Variants in TPST1 observed in about 807,000 individuals in gnomAD.
TPST1 encodes tyrosylprotein sulfotransferase 1, also known as protein-tyrosine sulfotransferase 1.
In TPST1, 20 loss-of-function variants were observed where a neutral mutation model predicts 34.8. The ratio of observed to expected loss-of-function variants is 0.57; its 90% confidence interval spans 0.40 to 0.84. The LOEUF (loss-of-function observed/expected upper bound fraction) is 0.84, where lower values mean the gene tolerates loss of function less well. Ranked by LOEUF, TPST1 falls within the 40% of genes least tolerant of loss-of-function variation. TPST1 has a pLI of 0.00. For missense variants in TPST1, 353 were observed against 455.5 expected (o/e 0.78, Z 2.05); for synonymous variants, 152 against 159.4 (o/e 0.95, Z 0.35).
intron 3 of TPST1, among the ~76,000 whole-genome samples, chr7:66,293,425 C>T (rs777204116): frequency 6.6e-6 from 1 of 152,044 alleles, no homozygotes; most frequent in East Asian, 1.9e-4. Flanking sequence ...ATTGATTGAG[C>T]CTGAGAGGTC....
In TPST1 at chr7:66,240,540, A is replaced by G; in HGVS notation, c.115A>G (p.Ser39Gly). ...ATGCCATCACCGGATAGAGGAACGT[A>G]GCCAGCCAGTCAAATTGGAGAGCAC... ...MECHHRIEERSQPVKLESTRT... is the reference protein window; with the variant it reads ...MECHHRIEERGQPVKLESTRT... Residue 39 changes from serine to glycine, a missense_variant, in exon 2 of 6, where the codon AGC becomes GGC. Physicochemically the swap from Ser to Gly is moderately conservative, Grantham distance 56 (BLOSUM62 0). Transcript: ENST00000304842. 6.2e-7 allele frequency: 1 copy of G among 1,614,238 alleles called. No individual in the cohort carries two copies. Among genetic ancestry groups the G allele is most frequent in the Non-Finnish European group, 8.5e-7 (1 of 1,180,040 alleles).
upstream of TPST1, among the ~76,000 whole-genome samples, chr7:66,201,032 C>A (rs1789029282): frequency 6.6e-6 from 1 of 152,094 alleles, no homozygotes; most frequent in Non-Finnish European, 1.5e-5. Context: ...CTGGCTGATG[C>A]TCTCTGGTGA....
the TPST1 span, among the ~76,000 whole-genome samples, chr7:66,200,304 T>C: frequency 1.7e-3 from 260 of 152,192 alleles, 1 homozygote; most frequent in African/African-American, 6.1e-3. Flanking sequence ...ACTGGCCCAT[T>C]TTCTCCTCTT....
At chr7:66,245,512 A>T (rs1354130725) in intron 2 of TPST1, among the ~76,000 whole-genome samples, 3 of 152,230 alleles carry the variant, frequency 2.0e-5, no homozygotes, top group Admixed American at 2.0e-4. Context: ...TATCAAGGGT[A>T]GGAGGTTCTT....
intron 2 of TPST1, among the ~76,000 whole-genome samples, chr7:66,252,050 C>T (rs935736473): frequency 6.6e-6 from 1 of 152,042 alleles, no homozygotes; most frequent in African/African-American, 2.4e-5. Context: ...TATGCATATT[C>T]CACTTGTTTT....
chr7:66,293,924 A>G (rs530042262), intron 3 of TPST1, among the ~76,000 whole-genome samples: 1 of 152,340 alleles, frequency 6.6e-6, no homozygotes, highest in East Asian at 1.9e-4. Context: ...ACAATATATT[A>G]TTTCAGAAAG....
chr7:66,295,562 A>G (rs906408164), intron 3 of TPST1, among the ~76,000 whole-genome samples: 3 of 152,200 alleles, frequency 2.0e-5, no homozygotes, highest in Non-Finnish European at 4.4e-5. Flanking sequence ...GAGGTAATTT[A>G]TTTTAGATTT....
chr7:66,223,206 G>A (rs1789579993), intron 1 of TPST1, among the ~76,000 whole-genome samples: 1 of 152,016 alleles, frequency 6.6e-6, no homozygotes, highest in African/African-American at 2.4e-5. Flanking sequence ...CAGCACTTTG[G>A]GAGGCTGATG....
intron 2 of TPST1, among the ~76,000 whole-genome samples, chr7:66,258,677 C>G (rs184916318): frequency 7.2e-5 from 11 of 152,156 alleles, no homozygotes; most frequent in African/African-American, 2.7e-4. Flanking sequence ...TAGCTGCCTG[C>G]GATGCGTTTC....
chr7:66,318,181 T>A (rs866614491), intron 3 of TPST1, among the ~76,000 whole-genome samples: 52 of 152,092 alleles, frequency 3.4e-4, no homozygotes, highest in South Asian at 2.1e-3. Context: ...TAAATAAATA[T>A]ATATTACTGT....
At chr7:66,261,008 T>C (rs1189788482) in intron 2 of TPST1, among the ~76,000 whole-genome samples, 1 of 152,180 alleles carries the variant, frequency 6.6e-6, no homozygotes, top group Non-Finnish European at 1.5e-5. Context: ...TCTTTGATTC[T>C]CTGGCCTGAA....
intron 2 of TPST1, among the ~76,000 whole-genome samples, chr7:66,250,059 C>T (rs1411926554): frequency 1.3e-5 from 2 of 152,198 alleles, no homozygotes; most frequent in African/African-American, 4.8e-5. Context: ...TACTATCTCT[C>T]TCCGTGTCTC....
At chr7:66,282,917 A>G (rs140937132) in intron 2 of TPST1, among the ~76,000 whole-genome samples, 235 of 152,204 alleles carry the variant, frequency 1.5e-3, no homozygotes, top group African/African-American at 5.4e-3. Flanking sequence ...TCTCCCTTCC[A>G]TCCTCCCAAC....
chr7:66,307,475 A>G (rs1401141055), intron 3 of TPST1, among the ~76,000 whole-genome samples: 1 of 152,296 alleles, frequency 6.6e-6, no homozygotes, highest in African/African-American at 2.4e-5. Context: ...TTAGAATGCC[A>G]TTATGGTGAA....
intron 3 of TPST1, among the ~76,000 whole-genome samples, chr7:66,314,963 T>C (rs763334725): frequency 6.6e-6 from 1 of 152,214 alleles, no homozygotes; most frequent in Non-Finnish European, 1.5e-5. Context: ...TGAGCATCCA[T>C]TGATTATTCT....
intron 1 of TPST1, among the ~76,000 whole-genome samples, chr7:66,230,922 A>G (rs1789772014): frequency 6.6e-6 from 1 of 152,158 alleles, no homozygotes; most frequent in Non-Finnish European, 1.5e-5. Flanking sequence ...GATACAGTGT[A>G]TCGACACAAA....
chr7:66,271,738 A>G (rs556343448), intron 2 of TPST1, among the ~76,000 whole-genome samples: 2 of 152,224 alleles, frequency 1.3e-5, no homozygotes, highest in Non-Finnish European at 2.9e-5. Context: ...CATTGTGAGT[A>G]TATATTAATC....
upstream of TPST1, among the ~76,000 whole-genome samples, chr7:66,202,328 CG>C (rs1789042296): frequency 1.3e-5 from 2 of 152,110 alleles, no homozygotes; most frequent in South Asian, 4.1e-4. Flanking sequence ...GTGTAGTCCC[CG>C]GATCACCTGA....
intron 1 of TPST1, among the ~76,000 whole-genome samples, chr7:66,230,637 G>A (rs1789762728): frequency 6.6e-6 from 1 of 152,178 alleles, no homozygotes; most frequent in African/African-American, 2.4e-5. Context: ...CGTGGTGAGT[G>A]TTACAGCTCA....
Sources: gnomAD v4.1 joint callset for allele counts (sites outside exome capture counted in the v4.1 genomes callset) on GRCh38, gnomAD v4.1.1 for gene constraint, MANE v1.5 for transcripts, NCBI Gene and HGNC (gene_info 2026-07-23, HGNC 2026-07-21) for gene names.